The following SUGCT variants were observed in gnomAD, a reference collection of about 807,000 sequenced individuals.
SUGCT encodes the protein succinyl-CoA:glutarate-CoA transferase.
Under a neutral mutation model 55.0 loss-of-function variants are expected in SUGCT, and 41 were observed. That is an observed-to-expected ratio of 0.74 (90% CI 0.58 to 0.97). SUGCT has a LOEUF of 0.97. Ranked by LOEUF, SUGCT falls within the 50% of genes least tolerant of loss-of-function variation. SUGCT has a pLI of 0.00. For synonymous variants in SUGCT, 187 were observed against 200.4 expected (o/e 0.93, Z 0.56); for missense variants, 568 against 547.8 (o/e 1.04, Z -0.37).
At chr7:40,666,384 A>AAGGAAGGAAGGT (rs1801637967) in intron 12 of SUGCT, among the ~76,000 whole-genome samples, 1 of 144,268 alleles carries the variant, frequency 6.9e-6, no homozygotes, top group Admixed American at 6.9e-5. Flanking sequence ...GGAAGGAAGG[A>AAGGAAGGAAGGT]AGGAAGGAAA....
At chr7:40,666,398 A>G (rs377638360) in intron 12 of SUGCT, among the ~76,000 whole-genome samples, 19 of 108,906 alleles carry the variant, frequency 1.7e-4, no homozygotes, top group African/African-American at 6.8e-4. Context: ...AAGGAAAGAA[A>G]GAAAGTAGGG....
intron 12 of SUGCT, among the ~76,000 whole-genome samples, chr7:40,613,845 G>A (rs1304921260): frequency 2.0e-5 from 3 of 152,168 alleles, no homozygotes; most frequent in Non-Finnish European, 2.9e-5. Context: ...TGGTCGGTTT[G>A]ATCCGCCCTC....
At chr7:40,454,045 A>G (rs1185079481) in intron 10 of SUGCT, among the ~76,000 whole-genome samples, 2 of 152,204 alleles carry the variant, frequency 1.3e-5, no homozygotes, top group Non-Finnish European at 2.9e-5. Flanking sequence ...GTTGAGCTCA[A>G]TAGTGCAATG....
chr7:40,349,845 T>C (rs1054797895), intron 9 of SUGCT, among the ~76,000 whole-genome samples: 2 of 152,176 alleles, frequency 1.3e-5, no homozygotes, highest in African/African-American at 2.4e-5. Context: ...TGATTGGTTT[T>C]TATTAATATT....
At chr7:40,272,318 G>A (rs749316811) in intron 7 of SUGCT, among the ~76,000 whole-genome samples, 2 of 149,272 alleles carry the variant, frequency 1.3e-5, no homozygotes, top group Non-Finnish European at 3.0e-5. Flanking sequence ...CTGGTACTAG[G>A]GGTGTGTGCC....
chr7:40,750,955 C>T (rs758883119), intron 13 of SUGCT, among the ~76,000 whole-genome samples: 24 of 152,094 alleles, frequency 1.6e-4, no homozygotes, highest in Non-Finnish European at 3.2e-4. Flanking sequence ...CAACTTCACC[C>T]CTGGCCACCT....
chr7:40,495,269 A>G (rs1791910499), intron 11 of SUGCT, among the ~76,000 whole-genome samples: 1 of 149,344 alleles, frequency 6.7e-6, no homozygotes, highest in Non-Finnish European at 1.5e-5. Context: ...AATTTAATAC[A>G]TTTTCCTCTG....
chr7:40,717,875 A>G (rs1786106800), intron 12 of SUGCT, among the ~76,000 whole-genome samples: 1 of 152,174 alleles, frequency 6.6e-6, no homozygotes, highest in Non-Finnish European at 1.5e-5. Flanking sequence ...AACTAAATTT[A>G]TATTAGAGGT....
intron 9 of SUGCT, among the ~76,000 whole-genome samples, chr7:40,390,203 C>G (rs1785348273): frequency 1.3e-5 from 2 of 152,148 alleles, no homozygotes; most frequent in African/African-American, 4.8e-5. Flanking sequence ...AAACTGGAAG[C>G]ATTCCCTTTG....
intron 9 of SUGCT, among the ~76,000 whole-genome samples, chr7:40,329,326 T>TG (rs776819887): frequency 1.8e-4 from 28 of 152,180 alleles, no homozygotes; most frequent in Non-Finnish European, 3.1e-4. Context: ...CATGTTGATG[T>TG]ATAAGTATGG....
chr7:40,663,091 T>A (rs1308719008), intron 12 of SUGCT, among the ~76,000 whole-genome samples: 1 of 152,192 alleles, frequency 6.6e-6, no homozygotes, highest in African/African-American at 2.4e-5. Flanking sequence ...TTATTAAAAA[T>A]GTTAGCATAC....
chr7:40,839,506 G>A (rs555998138), intron 13 of SUGCT, among the ~76,000 whole-genome samples: 61 of 152,172 alleles, frequency 4.0e-4, no homozygotes, highest in African/African-American at 1.4e-3. Flanking sequence ...TAAATGTTTG[G>A]TATAATTCTA....
chr7:40,272,201 C>A (rs1792108272), intron 7 of SUGCT, among the ~76,000 whole-genome samples: 1 of 100,836 alleles, frequency 9.9e-6, no homozygotes, highest in Non-Finnish European at 1.8e-5. Context: ...TATACAGGGT[C>A]TCAGTCTTTT....
intron 9 of SUGCT, among the ~76,000 whole-genome samples, chr7:40,396,461 A>G (rs1785736406): frequency 6.6e-6 from 1 of 152,188 alleles, no homozygotes; most frequent in South Asian, 2.1e-4. Context: ...AACAACCTTT[A>G]GGACTGTCTA....
At chr7:40,992,789 C>T in the SUGCT span, among the ~76,000 whole-genome samples, 1 of 152,216 alleles carries the variant, frequency 6.6e-6, no homozygotes, top group Non-Finnish European at 1.5e-5. Context: ...CTCTTTGGAC[C>T]TCAGTTTCAG....
In SUGCT at chr7:40,325,907, TTGTTTG is replaced by T. The variant is rs1235741175; in HGVS notation, c.816+9054_816+9059del. Among the ~76,000 whole-genome samples the T allele has an allele frequency of 2.8e-5, 4 of 142,072 alleles. 1 individual carries two copies. The highest frequency in any genetic ancestry group is 2.4e-4 in the South Asian group (1 of 4,174). The allele number at this position is 142,072 out of a possible 152,430, so 93.2% of individuals were successfully genotyped here. A position where few individuals can be genotyped will look rare whatever the true frequency, so the allele number is the denominator to read the frequency against. ...CATCATGGATGTGCGTCTTTTTTTT[TTGTTTG>T]TTTTTGGCAGATTCTAGAATTCTTC... On this transcript the variant is annotated intron_variant, in intron 9 of 13. Transcript: ENST00000335693.
intron 6 of SUGCT, among the ~76,000 whole-genome samples, chr7:40,215,528 A>G (rs896581093): frequency 7.2e-5 from 11 of 152,088 alleles, no homozygotes; most frequent in African/African-American, 2.7e-4. Context: ...TTCATGTATC[A>G]TTTACTTCTT....
the SUGCT span, among the ~76,000 whole-genome samples, chr7:40,935,933 C>T: frequency 1.3e-5 from 2 of 152,232 alleles, no homozygotes; most frequent in East Asian, 3.9e-4. Flanking sequence ...AGAGAGCCTT[C>T]CTAGTAGACT....
At chr7:40,332,707 G>A (rs937834282) in intron 9 of SUGCT, among the ~76,000 whole-genome samples, 3 of 152,142 alleles carry the variant, frequency 2.0e-5, no homozygotes, top group Non-Finnish European at 4.4e-5. Flanking sequence ...ACATAATGGT[G>A]CATTGAGGTG....
Sources: gnomAD v4.1 joint callset for allele counts (sites outside exome capture counted in the v4.1 genomes callset) on GRCh38, gnomAD v4.1.1 for gene constraint, MANE v1.5 for transcripts, NCBI Gene and HGNC (gene_info 2026-07-23, HGNC 2026-07-21) for gene names.